The following FSTL4 variants were observed in gnomAD, a reference collection of about 807,000 sequenced individuals.
The protein encoded by FSTL4 is follistatin-related protein 4.
In FSTL4, 28 loss-of-function variants were observed where a neutral mutation model predicts 78.2. That is an observed-to-expected ratio of 0.36 (90% CI 0.27 to 0.49). The LOEUF (loss-of-function observed/expected upper bound fraction) is 0.49. Among genes scored for constraint, FSTL4 ranks in the 20% least tolerant of loss-of-function variants. The pLI is 0.98. For synonymous variants in FSTL4, 422 were observed against 440.5 expected (o/e 0.96, Z 0.53); for missense variants, 922 against 1,084.9 (o/e 0.85, Z 2.11).
intron 4 of FSTL4, among the ~76,000 whole-genome samples, chr5:133,370,178 A>G (rs1755263497): frequency 6.6e-6 from 1 of 152,128 alleles, no homozygotes; most frequent in African/African-American, 2.4e-5. Context: ...GTCTGCCCTG[A>G]TGAGACCCAG....
chr5:133,549,197 T>C (rs540118523), intron 3 of FSTL4, among the ~76,000 whole-genome samples: 1 of 152,234 alleles, frequency 6.6e-6, no homozygotes, highest in South Asian at 2.1e-4. Flanking sequence ...CTCTTCCTGT[T>C]TTCTCTCTTT....
chr5:133,506,291 G>T (rs1758610728), intron 3 of FSTL4, among the ~76,000 whole-genome samples: 1 of 152,200 alleles, frequency 6.6e-6, no homozygotes, highest in African/African-American at 2.4e-5. Context: ...CCAAAGGCAG[G>T]GGATTTGTTT....
chr5:133,437,371 A>T (rs1270877941), intron 3 of FSTL4, among the ~76,000 whole-genome samples: 1 of 152,172 alleles, frequency 6.6e-6, no homozygotes, highest in Non-Finnish European at 1.5e-5. Context: ...TGAGAAGGTA[A>T]TATGGAATCA....
intron 6 of FSTL4, among the ~76,000 whole-genome samples, chr5:133,280,276 G>A (rs1752981064): frequency 6.6e-6 from 1 of 152,156 alleles, no homozygotes; most frequent in South Asian, 2.1e-4. Context: ...ACATGGACAG[G>A]ATTTAGGTGG....
rs1468971892 is a variant in FSTL4 at position 133,249,473 on chromosome 5, C to T, written c.831G>A (p.Arg277=). Reference sequence around the variant, plus strand: ...CGTTGCGCTTCCAGATGATTGGTGGCCTCAGGTCTCCATGGACGGCGCAGG... The same window carrying T: ...CGTTGCGCTTCCAGATGATTGGTGGTCTCAGGTCTCCATGGACGGCGCAGG... ...VLTCAVHGDL[R]PPIIWKRNGL... is the part of the protein sequence containing the mutation. The change falls in exon 7 of 16, where the codon AGG becomes AGA. Residue 277 remains arginine, a synonymous_variant. Transcript: ENST00000265342. 3 of 1,613,796 alleles carry T rather than the reference C, an allele frequency of 1.9e-6. No homozygotes were observed. Among genetic ancestry groups the T allele is most frequent in the Admixed American group, 1.7e-5 (1 of 60,020 alleles).
At chr5:133,579,886 CAG>C (rs778407507) in intron 2 of FSTL4, among the ~76,000 whole-genome samples, 16 of 152,114 alleles carry the variant, frequency 1.1e-4, no homozygotes, top group Non-Finnish European at 2.2e-4. Flanking sequence ...CAAAATGTGC[CAG>C]AGTCATGGTG....
chr5:133,508,069 T>C (rs541338768), intron 3 of FSTL4, among the ~76,000 whole-genome samples: 1 of 152,288 alleles, frequency 6.6e-6, no homozygotes, highest in East Asian at 1.9e-4. Flanking sequence ...TTAGCTACAC[T>C]GGTCCCTGGT....
the FSTL4 span, among the ~76,000 whole-genome samples, chr5:133,655,896 C>T: frequency 6.6e-6 from 1 of 152,146 alleles, no homozygotes; most frequent in Admixed American, 6.5e-5. Context: ...TATTATTACT[C>T]CTCGTTTTGC....
chr5:133,604,022 TA>T, intron 1 of FSTL4, 29 bp from the exon 2 acceptor site: 1 of 1,539,280 alleles, frequency 6.5e-7, no homozygotes, highest in Non-Finnish European at 9.0e-7. Flanking sequence ...ATGCTGAGAA[TA>T]AAACATTATG....
chr5:133,254,130 A>G (rs1752327788), intron 6 of FSTL4, among the ~76,000 whole-genome samples: 1 of 152,236 alleles, frequency 6.6e-6, no homozygotes, highest in African/African-American at 2.4e-5. Flanking sequence ...ATGCTCAACT[A>G]TTAATAGCTT....
the FSTL4 span, among the ~76,000 whole-genome samples, chr5:133,762,871 C>T: frequency 6.6e-6 from 1 of 152,158 alleles, no homozygotes; most frequent in African/African-American, 2.4e-5. Context: ...TCACTTGGAC[C>T]AATCAGGTCC....
At chr5:133,822,637 C>CG in the FSTL4 span, among the ~76,000 whole-genome samples, 5 of 152,162 alleles carry the variant, frequency 3.3e-5, no homozygotes, top group Admixed American at 2.0e-4. Flanking sequence ...GTGAACATTC[C>CG]GGGGGCGTCA....
chr5:133,368,198 T>C (rs1755217843), intron 4 of FSTL4, among the ~76,000 whole-genome samples: 1 of 152,220 alleles, frequency 6.6e-6, no homozygotes, highest in South Asian at 2.1e-4. Context: ...CCACGGACCA[T>C]GTGGTGTCAG....
chr5:133,249,558 A>C lies in FSTL4; in HGVS notation c.746T>G (p.Leu249Arg). The change falls in exon 7 of 16, where the codon CTC becomes CGC. Residue 249 changes from leucine (L) to arginine (R), a missense_variant. Transcript: ENST00000265342. ...YMAFQVVQLS[L>R]APEDRVSVTT... is the part of the protein sequence containing the mutation. The stretch of plus-strand genomic sequence containing the variant: ...CACACTGACCCTGTCCTCGGGGGCG[A>C]GGCTGAGCTGAACCACTTCTGCAGA... The C allele has an allele frequency of 6.2e-7, 1 of 1,612,460 alleles. No individual in the cohort carries two copies. The highest frequency in any genetic ancestry group is 8.5e-7 in the Non-Finnish European group (1 of 1,178,968).
chr5:133,781,599 A>G, the FSTL4 span, among the ~76,000 whole-genome samples: 1 of 152,142 alleles, frequency 6.6e-6, no homozygotes, highest in Admixed American at 6.5e-5. Context: ...GGCCCACCAC[A>G]TTACCCACCA....
At chr5:133,486,326 A>G (rs1758134325) in intron 3 of FSTL4, among the ~76,000 whole-genome samples, 1 of 150,486 alleles carries the variant, frequency 6.6e-6, no homozygotes, top group African/African-American at 2.4e-5. Flanking sequence ...ACAGTGAGAG[A>G]CTGAAGGAGA....
At chr5:133,579,162 G>A (rs1760346283) in intron 2 of FSTL4, among the ~76,000 whole-genome samples, 2 of 152,308 alleles carry the variant, frequency 1.3e-5, no homozygotes, top group South Asian at 2.1e-4. Context: ...TACAAGAGGG[G>A]TGTCCATCTC....
At chr5:133,233,032 G>A (rs1392940273) in intron 8 of FSTL4, among the ~76,000 whole-genome samples, 3 of 152,248 alleles carry the variant, frequency 2.0e-5, no homozygotes, top group Admixed American at 1.3e-4. Context: ...CATACCACCT[G>A]GAAGGAGTGG....
chr5:133,502,251 G>A (rs1758513967), intron 3 of FSTL4, among the ~76,000 whole-genome samples: 1 of 152,236 alleles, frequency 6.6e-6, no homozygotes, highest in African/African-American at 2.4e-5. Context: ...AGGACTGATA[G>A]AATGACACAA....
Sources: gnomAD v4.1 joint callset for allele counts (sites outside exome capture counted in the v4.1 genomes callset) on GRCh38, gnomAD v4.1.1 for gene constraint, MANE v1.5 for transcripts, NCBI Gene and HGNC (gene_info 2026-07-23, HGNC 2026-07-21) for gene names.